The following ADAMTS3 variants were observed in gnomAD, a reference collection of about 807,000 sequenced individuals.
ADAMTS3 encodes ADAM metallopeptidase with thrombospondin type 1 motif 3.
ADAMTS3 carries 73 observed loss-of-function variants against 129.0 expected under a neutral mutation model. That is an observed-to-expected ratio of 0.57 (90% CI 0.47 to 0.69). ADAMTS3 has a LOEUF of 0.69. ADAMTS3 is among the 30% of genes least tolerant of loss of function. ADAMTS3 has a pLI of 0.00. For missense variants in ADAMTS3, 1,457 were observed against 1,514.5 expected, an observed-to-expected ratio of 0.96 and a Z score of 0.63; for synonymous variants, 477 against 510.8, an observed-to-expected ratio of 0.93 and a Z score of 0.89.
intron 5 of ADAMTS3, among the ~76,000 whole-genome samples, chr4:72,331,667 T>C (rs76622625): frequency 0.037 from 5,639 of 152,186 alleles, 348 homozygotes; most frequent in African/African-American, 0.13. Context: ...ATCTAGAGTG[T>C]CTCCAAAGAC....
At chr4:72,378,238 T>C (rs920673962) in intron 4 of ADAMTS3, among the ~76,000 whole-genome samples, 1 of 152,292 alleles carries the variant, frequency 6.6e-6, no homozygotes, top group African/African-American at 2.4e-5. Flanking sequence ...AGCCTATGAA[T>C]GAAGCATTTA....
chr4:72,424,556 C>T (rs1461832137), intron 3 of ADAMTS3, among the ~76,000 whole-genome samples: 1 of 152,052 alleles, frequency 6.6e-6, no homozygotes, highest in Admixed American at 6.6e-5. Context: ...TTCAACTATA[C>T]TAAAATGCTA....
chr4:72,404,954 C>T (rs964950795), intron 4 of ADAMTS3, among the ~76,000 whole-genome samples: 6 of 151,972 alleles, frequency 3.9e-5, no homozygotes, highest in Non-Finnish European at 8.8e-5. Context: ...TGAAAAGATA[C>T]TCAGCATCAC....
chr4:72,347,079 T>C (rs1391913471), intron 4 of ADAMTS3, among the ~76,000 whole-genome samples: 1 of 152,060 alleles, frequency 6.6e-6, no homozygotes, highest in Non-Finnish European at 1.5e-5. Context: ...TATAACAATG[T>C]AGGTGTTTAC....
Position 72,464,950 on chromosome 4 carries a change from T to G in ADAMTS3, c.505-49979A>C, listed in dbSNP as rs141105085. On this transcript the variant is annotated intron_variant, in intron 3 of 21. Coordinates refer to ENST00000286657, the MANE Select transcript of ADAMTS3 (RefSeq NM_014243.3). ...TTGTATTCATTCATCCTCTGAGCAT[T>G]GGGCTTCTAAAATGTGCCAAGCACT... is the stretch of plus-strand genomic sequence containing the variant. Among the ~76,000 whole-genome samples, 71 of 152,110 alleles carry G rather than the reference T, an allele frequency of 4.7e-4. No individual in the cohort carries two copies. The East Asian group carries it at 0.013, about 27-fold the overall frequency.
chr4:72,547,892 CA>C lies in ADAMTS3; in HGVS notation c.504+585del, dbSNP rs74386145. Among the ~76,000 whole-genome samples the C allele has an allele frequency of 6.5e-4, 99 of 152,194 alleles. 1 individual carries two copies. The East Asian group carries it at 0.015, about 23-fold the overall frequency. Reference sequence around the variant, plus strand: ...ACGTAGCACACTTAACCCTCAACCACAAAACTGAAAAGCAACATATGGGTAT... The same window carrying C: ...ACGTAGCACACTTAACCCTCAACCACAAACTGAAAAGCAACATATGGGTAT... On this transcript the variant is annotated intron_variant, in intron 3 of 21. Coordinates refer to ENST00000286657, the MANE Select transcript of ADAMTS3 (RefSeq NM_014243.3).
intron 6 of ADAMTS3, 87 bp downstream of exon 6, chr4:72,322,927 T>C: frequency 9.4e-7 from 1 of 1,059,534 alleles, no homozygotes; most frequent in Admixed American, 1.7e-5. Flanking sequence ...TATCTATGCC[T>C]TAAGTTAGAT....
At chr4:72,422,384 T>C (rs1270559742) in intron 3 of ADAMTS3, among the ~76,000 whole-genome samples, 1 of 152,164 alleles carries the variant, frequency 6.6e-6, no homozygotes, top group East Asian at 1.9e-4. Context: ...TCTGCAATGA[T>C]ACATGAAATA....
chr4:72,476,304 G>T lies in ADAMTS3; in HGVS notation c.505-61333C>A, dbSNP rs141458475. Among the ~76,000 whole-genome samples the T allele has an allele frequency of 2.0e-5, 3 of 151,924 alleles. No individual in the cohort carries two copies. In the East Asian group the frequency reaches 5.8e-4, roughly 29 times the overall value. ...AAATAGATTCATTCAAGATCCTAAA[G>T]ATAACAAAAGAATAATGATAGAATG... is the stretch of plus-strand genomic sequence containing the variant. On this transcript the variant is annotated intron_variant, in intron 3 of 21. Transcript: ENST00000286657.
At chr4:72,513,799 A>C (rs1313257832) in intron 3 of ADAMTS3, among the ~76,000 whole-genome samples, 2 of 152,086 alleles carry the variant, frequency 1.3e-5, no homozygotes, top group East Asian at 3.9e-4. Context: ...CATAGAGAAC[A>C]TTGTACCCAA....
At chr4:72,423,239 G>A (rs370284041) in intron 3 of ADAMTS3, among the ~76,000 whole-genome samples, 42 of 152,156 alleles carry the variant, frequency 2.8e-4, no homozygotes, top group African/African-American at 9.6e-4. Flanking sequence ...TGCTAAATCT[G>A]TTACAACCTT....
intron 3 of ADAMTS3, among the ~76,000 whole-genome samples, chr4:72,446,166 A>G (rs1430657636): frequency 6.6e-6 from 1 of 151,678 alleles, no homozygotes; most frequent in East Asian, 2.0e-4. Flanking sequence ...AATGTTTTCA[A>G]GCTAACTGTA....
chr4:72,450,895 A>G (rs1001380446), intron 3 of ADAMTS3, among the ~76,000 whole-genome samples: 5 of 150,024 alleles, frequency 3.3e-5, no homozygotes, highest in South Asian at 2.1e-4. Flanking sequence ...TGGGAGCAAT[A>G]GAAAGAGGAG....
intron 3 of ADAMTS3, among the ~76,000 whole-genome samples, chr4:72,543,008 A>C (rs1721373206): frequency 6.6e-6 from 1 of 152,204 alleles, no homozygotes; most frequent in Non-Finnish European, 1.5e-5. Context: ...ATCATCATTA[A>C]AATACTTTCT....
intron 21 of ADAMTS3, among the ~76,000 whole-genome samples, chr4:72,288,439 A>T (rs1718567635): frequency 6.6e-6 from 1 of 152,240 alleles, no homozygotes; most frequent in Non-Finnish European, 1.5e-5. Context: ...AGTTAAATAT[A>T]ACAAGGAAAA....
intron 3 of ADAMTS3, among the ~76,000 whole-genome samples, chr4:72,445,446 C>T (rs1255311804): frequency 2.0e-5 from 3 of 151,580 alleles, no homozygotes; most frequent in African/African-American, 4.8e-5. Flanking sequence ...CCACATGCTT[C>T]AAAACATCAC....
chr4:72,351,630 A>G (rs1194853721), intron 4 of ADAMTS3, among the ~76,000 whole-genome samples: 1 of 151,888 alleles, frequency 6.6e-6, no homozygotes, highest in East Asian at 1.9e-4. Context: ...ATAAGCCAAA[A>G]GGTACTGTAA....
intron 19 of ADAMTS3, among the ~76,000 whole-genome samples, chr4:72,293,697 C>T (rs998717072): frequency 1.3e-5 from 2 of 152,112 alleles, no homozygotes; most frequent in Admixed American, 6.6e-5. Context: ...GCCTTCTAAA[C>T]ACTGCATTTT....
At chr4:72,302,752 G>A (rs1282180181) in intron 17 of ADAMTS3, among the ~76,000 whole-genome samples, 1 of 151,942 alleles carries the variant, frequency 6.6e-6, no homozygotes, top group Non-Finnish European at 1.5e-5. Context: ...AAGATGAAGA[G>A]AAAAATCTTA....
Sources: gnomAD v4.1 joint callset for allele counts (sites outside exome capture counted in the v4.1 genomes callset) on GRCh38, gnomAD v4.1.1 for gene constraint, MANE v1.5 for transcripts, NCBI Gene and HGNC (gene_info 2026-07-23, HGNC 2026-07-21) for gene names.